Variants in ZBTB44 observed in about 807,000 individuals in gnomAD.
ZBTB44 encodes the protein zinc finger and BTB domain containing 44.
A neutral mutation model predicts 54.0 loss-of-function variants in ZBTB44; 15 were observed. The ratio of observed to expected loss-of-function variants is 0.28; its 90% CI spans 0.19 to 0.43. The LOEUF is 0.43. Ranked by LOEUF, ZBTB44 falls within the 20% of genes least tolerant of loss-of-function variation. The pLI is 1.00. For missense variants in ZBTB44, 487 were observed against 707.1 expected, an observed-to-expected ratio of 0.69 and a Z score of 3.53; for synonymous variants, 230 against 250.1, an observed-to-expected ratio of 0.92 and a Z score of 0.76.
intron 1 of ZBTB44, chr11:130,285,235 T>G (rs983608103): frequency 6.2e-6 from 1 of 162,028 alleles, no homozygotes; most frequent in Admixed American, 6.5e-5. Flanking sequence ...ATTTCTTCTC[T>G]GTATTTTTCA....
chr11:130,258,395 T>C (rs1938599761), intron 2 of ZBTB44, among the ~76,000 whole-genome samples: 1 of 152,194 alleles, frequency 6.6e-6, no homozygotes, highest in African/African-American at 2.4e-5. Flanking sequence ...CCAAGATAAG[T>C]GCACTGCAAT....
rs1351790568 is a variant in ZBTB44, at chr11:130,314,750, G to C, written c.-432C>G. The C allele has an allele frequency of 1.3e-5, 2 of 150,424 alleles. No homozygotes were observed. The highest frequency in any genetic ancestry group is 1.5e-5 in the Non-Finnish European group (1 of 67,480). 9.3% of individuals were successfully genotyped at this position (150,424 alleles called of 1,614,324 possible). ...GCGGTTGTTTGGGGAGCGCGGCGAC[G>C]GCTCGCGTGTTCCCAGCGGGGCGGG... On this transcript the variant is annotated 5_prime_UTR_variant, in exon 1 of 8. Coordinates refer to ENST00000357899, the MANE Select transcript of ZBTB44 (RefSeq NM_001301098.2).
At chr11:130,255,781 T>C (rs552836507) in intron 2 of ZBTB44, among the ~76,000 whole-genome samples, 1 of 148,178 alleles carries the variant, frequency 6.7e-6, no homozygotes, top group Non-Finnish European at 1.5e-5. Flanking sequence ...TCTTCGCAAA[T>C]AAACTAGAAA....
At chr11:130,297,707 T>C (rs1723509392) in intron 1 of ZBTB44, among the ~76,000 whole-genome samples, 1 of 152,214 alleles carries the variant, frequency 6.6e-6, no homozygotes, top group Non-Finnish European at 1.5e-5. Flanking sequence ...GCTTCCCTCA[T>C]GGTCCTCAGG....
chr11:130,293,447 C>T (rs184154191), intron 1 of ZBTB44, among the ~76,000 whole-genome samples: 18 of 143,812 alleles, frequency 1.3e-4, no homozygotes, highest in Admixed American at 1.2e-3. Flanking sequence ...GCACTCCAGC[C>T]GGGATGACAG....
chr11:130,230,414 T>G lies in ZBTB44; in HGVS notation c.*1350A>C, dbSNP rs975290645. ...GCAAAGTATTTTAACAAGATGAAAG[T>G]TTTTTTTTTTTTTTTTTTTTGCTAG... On this transcript the variant is annotated 3_prime_UTR_variant, in exon 8 of 8. Transcript: ENST00000357899. 4.7e-3 allele frequency: 29 copies of G among 6,150 alleles called. No individual in the cohort carries two copies. Among genetic ancestry groups the G allele is most frequent in the African/African-American group, 6.5e-3 (29 of 4,432 alleles). 0.4% of individuals were successfully genotyped at this position (6,150 alleles called of 1,614,324 possible). A position where few individuals can be genotyped will look rare whatever the true frequency, so the allele number is the denominator to read the frequency against.
rs1207796211 is a variant in ZBTB44 at position 130,228,646 on chromosome 11, C to T, written c.*3118G>A. ...CTCCCTTAAAGCAGGAAGATTTATC[C>T]TTCCTCAGCAGGTGATGTACTTTGG... On this transcript the variant is annotated 3_prime_UTR_variant, in exon 8 of 8. Coordinates refer to ENST00000357899, the MANE Select transcript of ZBTB44 (RefSeq NM_001301098.2). 1.3e-5 allele frequency: 2 copies of T among 152,116 alleles called. No homozygotes were observed. Among genetic ancestry groups the T allele is most frequent in the African/African-American group, 4.8e-5 (2 of 41,422 alleles). The allele number at this position is 152,116 out of a possible 1,614,324, so 9.4% of individuals were successfully genotyped here. A position where few individuals can be genotyped will look rare whatever the true frequency, so the allele number is the denominator to read the frequency against.
intron 2 of ZBTB44, among the ~76,000 whole-genome samples, chr11:130,240,879 G>A (rs982140566): frequency 6.6e-6 from 1 of 152,226 alleles, no homozygotes; most frequent in African/African-American, 2.4e-5. Flanking sequence ...GGTTGTGACA[G>A]AGACCATGTG....
In ZBTB44 at chr11:130,254,222, T is replaced by C. The variant is rs578062638; in HGVS notation, c.1018+6634A>G. ...CAAAAGCCAAAATTGACAAATGGGA[T>C]CTAATTAAACTAAAGAGCTTTTGCA... is the stretch of plus-strand genomic sequence containing the variant. On this transcript the variant is annotated intron_variant, in intron 2 of 7. Coordinates refer to ENST00000357899, the MANE Select transcript of ZBTB44 (RefSeq NM_001301098.2). Among the ~76,000 whole-genome samples, 62 of 152,158 alleles carry C rather than the reference T, an allele frequency of 4.1e-4. No homozygotes were observed. The South Asian group carries it at 0.012, about 29-fold the overall frequency.
At chr11:130,278,335 T>C (rs114428560) in intron 1 of ZBTB44, among the ~76,000 whole-genome samples, 132 of 152,328 alleles carry the variant, frequency 8.7e-4, no homozygotes, top group African/African-American at 2.8e-3. Context: ...GAATACCACA[T>C]TGAAAGTGAA....
intron 2 of ZBTB44, among the ~76,000 whole-genome samples, chr11:130,255,898 C>CAAAAA (rs66874715): frequency 9.6e-5 from 9 of 93,408 alleles, no homozygotes; most frequent in Non-Finnish European, 1.5e-4. Flanking sequence ...GGCAAAACCT[C>CAAAAA]AAAAAAAAAA....
chr11:130,235,776 C>T lies in ZBTB44; in HGVS notation c.1568+1017G>A, dbSNP rs145095659. Among the ~76,000 whole-genome samples the T allele has an allele frequency of 8.3e-3, 1,265 of 152,052 alleles. 11 individuals carry two copies. The highest frequency in any genetic ancestry group is 0.02 in the African/African-American group (830 of 41,482). ...CAGCACTTTGGGAGGCTGAAGCAGGCGGATCACTTGAGGTCAGGGGTTCGA... is the reference window on the plus strand; with the variant it reads ...CAGCACTTTGGGAGGCTGAAGCAGGTGGATCACTTGAGGTCAGGGGTTCGA... On this transcript the variant is annotated intron_variant, in intron 5 of 7. Coordinates refer to ENST00000357899, the MANE Select transcript of ZBTB44 (RefSeq NM_001301098.2).
rs1938879681 is a variant in ZBTB44 at position 130,261,801 on chromosome 11, G to A, written c.73C>T (p.Arg25Ter). 1 of 1,614,006 alleles carries A rather than the reference G, an allele frequency of 6.2e-7. No homozygotes were observed. The highest frequency in any genetic ancestry group is 1.7e-5 in the Admixed American group (1 of 60,020). ...QEMLGKLNML[R>*]NDGHFCDITI... ...ATATCACAAAAATGTCCATCATTTC[G>A]CAGCATATTTAGCTTTCCAAGCATT... is the stretch of plus-strand genomic sequence containing the variant. The change falls in exon 2 of 8, where the codon CGA (arginine) becomes TGA (stop). Residue 25 changes from arginine (R) to a stop codon, truncating the protein, a stop_gained. Transcript: ENST00000357899. LOFTEE classifies it high-confidence loss of function. This position sits in a 1 kb window ranked among gnomAD's most constrained non-coding sequence, Gnocchi z 4.8.
intron 1 of ZBTB44, among the ~76,000 whole-genome samples, chr11:130,274,907 GT>G (rs1167227209): frequency 1.3e-5 from 2 of 151,988 alleles, no homozygotes; most frequent in African/African-American, 4.8e-5. Context: ...CTCCCCTCCC[GT>G]TTTTTGGAAG....
intron 1 of ZBTB44, among the ~76,000 whole-genome samples, chr11:130,280,539 G>A (rs1198081247): frequency 6.6e-6 from 1 of 152,216 alleles, no homozygotes; most frequent in East Asian, 1.9e-4. Context: ...CACAAAACTA[G>A]TAGGCAGAAA....
At chr11:130,288,400 A>T (rs1340063939) in intron 1 of ZBTB44, among the ~76,000 whole-genome samples, 13 of 151,682 alleles carry the variant, frequency 8.6e-5, no homozygotes, top group African/African-American at 2.4e-4. Context: ...AATAAATAAA[A>T]TAAAATAAAA....
chr11:130,310,602 C>G (rs1942541008), intron 1 of ZBTB44: 1 of 152,098 alleles, frequency 6.6e-6, no homozygotes, highest in East Asian at 1.9e-4. Flanking sequence ...TGTGGCTTCA[C>G]ATAACATAAT....
intron 1 of ZBTB44, among the ~76,000 whole-genome samples, chr11:130,288,482 A>C (rs1941110445): frequency 6.6e-6 from 1 of 152,216 alleles, no homozygotes; most frequent in African/African-American, 2.4e-5. Flanking sequence ...AAAAATGGCA[A>C]GTAGTGTCTT....
At chr11:130,296,800 A>C in intron 1 of ZBTB44, 1 of 755,458 alleles carries the variant, frequency 1.3e-6, no homozygotes, top group Non-Finnish European at 2.5e-6. Context: ...TATAAGTCAT[A>C]CATATGAGGT....
Sources: gnomAD v4.1 joint callset for allele counts (sites outside exome capture counted in the v4.1 genomes callset) on GRCh38, gnomAD v4.1.1 for gene constraint, Gnocchi (gnomAD v3.1) non-coding constraint, MANE v1.5 for transcripts, NCBI Gene and HGNC (gene_info 2026-07-23, HGNC 2026-07-21) for gene names.